SP1: variants seen among roughly 807,000 people sequenced by gnomAD.
The protein encoded by SP1 is transcription factor Sp1.
A neutral mutation model predicts 66.3 loss-of-function variants in SP1; 6 were observed. The observed-to-expected ratio is 0.09, with a 90% CI of 0.05 to 0.18. The LOEUF is 0.18. Among genes scored for constraint, SP1 ranks in the 10% least tolerant of loss-of-function variants. The probability of loss-of-function intolerance (pLI) is 1.00; values close to 1 mark genes in which losing one functional copy is unlikely to be tolerated. For synonymous variants in SP1, 417 were observed against 360.8 expected (o/e 1.16, Z -1.77); for missense variants, 848 against 964.5 (o/e 0.88, Z 1.60).
rs532377954 is a variant in SP1, at chr12:53,407,934, C to T, written c.1844+1181C>T. On this transcript the variant is annotated intron_variant, in intron 4 of 5. Transcript: ENST00000327443. ...TACAGGCATGAGCCATGGGGGCGCCCGGCCTTTTTTTTTTTTTAAGACAGA... is the reference window on the plus strand; with the variant it reads ...TACAGGCATGAGCCATGGGGGCGCCTGGCCTTTTTTTTTTTTTAAGACAGA... Among the ~76,000 whole-genome samples the T allele has an allele frequency of 5.8e-4, 84 of 145,840 alleles. 1 individual carries two copies. Among genetic ancestry groups the T allele is most frequent in the African/African-American group, 2.0e-3 (79 of 40,096 alleles).
At chr12:53,393,697 A>C (rs572619623) in intron 3 of SP1, among the ~76,000 whole-genome samples, 1 of 151,064 alleles carries the variant, frequency 6.6e-6, no homozygotes, top group Admixed American at 6.6e-5. Flanking sequence ...TCCTGGGTTC[A>C]AGCAATTCTC....
intron 4 of SP1, among the ~76,000 whole-genome samples, 172 bp downstream of exon 4, chr12:53,406,925 C>T (rs1009615835): frequency 4.7e-5 from 7 of 150,294 alleles, no homozygotes; most frequent in East Asian, 2.0e-4. Context: ...CCTGGGTTCA[C>T]GCCATTCTCC....
intron 3 of SP1, among the ~76,000 whole-genome samples, chr12:53,385,537 A>G (rs10876448): frequency 0.32 from 46,533 of 147,532 alleles, 10,641 homozygotes; most frequent in African/African-American, 0.65. Flanking sequence ...GGAGGTTGCA[A>G]TGAGCCGAGA....
intron 1 of SP1, among the ~76,000 whole-genome samples, chr12:53,380,946 CTTTTT>C (rs35296566): frequency 2.0e-5 from 2 of 100,798 alleles, no homozygotes; most frequent in Admixed American, 1.1e-4. Flanking sequence ...TTTTGTTTGT[CTTTTT>C]TTTTTTTTTT....
chr12:53,380,348 C>A, intron 1 of SP1, 50 bp downstream of exon 1: 1 of 1,391,882 alleles, frequency 7.2e-7, no homozygotes, highest in Non-Finnish European at 9.5e-7. Context: ...AGTGAGGGGG[C>A]GCGCGCGAGG....
chr12:53,395,976 T>G (rs1194085557), intron 3 of SP1, among the ~76,000 whole-genome samples: 1 of 152,004 alleles, frequency 6.6e-6, no homozygotes, highest in Non-Finnish European at 1.5e-5. Flanking sequence ...AAAAATTAGC[T>G]GGGTGTGCTG....
chr12:53,391,101 T>A (rs946302444), intron 3 of SP1, among the ~76,000 whole-genome samples: 2 of 152,100 alleles, frequency 1.3e-5, no homozygotes. Context: ...ATTAGTTGAG[T>A]TTTTTCATTT....
chr12:53,415,784 C>G lies in SP1; in HGVS notation c.*4544C>G, dbSNP rs1485711135. ...TGTGCCTTTTCCCCAGGGATATGGG[C>G]TCTGTCTACCCAGTGCTCCAGTTTC... On this transcript the variant is annotated 3_prime_UTR_variant, in exon 6 of 6. Transcript: ENST00000327443. The G allele has an allele frequency of 6.6e-6, 1 of 152,586 alleles. No individual in the cohort carries two copies. The highest frequency in any genetic ancestry group is 1.5e-5 in the Non-Finnish European group (1 of 68,056). 9.5% of individuals were successfully genotyped at this position (152,586 alleles called of 1,614,324 possible).
At chr12:53,402,089 TC>T (rs1264580668) in intron 3 of SP1, among the ~76,000 whole-genome samples, 2 of 152,190 alleles carry the variant, frequency 1.3e-5, no homozygotes, top group African/African-American at 4.8e-5. Flanking sequence ...AGGACTCATA[TC>T]TAAGTTTCTC....
In SP1 at chr12:53,382,191, C is replaced by G. The variant is rs1938116263; in HGVS notation, c.244C>G (p.Gln82Glu). The change falls in exon 3 of 6, where the codon CAG becomes GAG. Residue 82 changes from glutamine (Q) to glutamate (E), a missense_variant. Coordinates refer to ENST00000327443, the MANE Select transcript of SP1 (RefSeq NM_138473.3). ...ACCCAATGAGAACAGCAACAACTCC[C>G]AGGGCCCGAGTCAGTCAGGGGGAAC... is the stretch of plus-strand genomic sequence containing the variant. ...ESPNENSNNS[Q>E]GPSQSGGTGE... 6.2e-7 allele frequency: 1 copy of G among 1,614,180 alleles called. No individual in the cohort carries two copies. Among genetic ancestry groups the G allele is most frequent in the Non-Finnish European group, 8.5e-7 (1 of 1,180,030 alleles).
chr12:53,384,056 G>A lies in SP1; in HGVS notation c.1675+434G>A, dbSNP rs1216406888. Among the ~76,000 whole-genome samples the A allele has an allele frequency of 4.0e-5, 6 of 149,546 alleles. No homozygotes were observed. The South Asian group carries it at 6.3e-4, about 16-fold the overall frequency. On this transcript the variant is annotated intron_variant, in intron 3 of 5. Transcript: ENST00000327443. ...GCGATCTCGGCTCACTGCAAGCTCC[G>A]CCTCCCAGGTTCACGCCATTCTCCT...
chr12:53,409,312 C>G, intron 4 of SP1, 50 bp from the exon 5 acceptor site: 1 of 1,490,710 alleles, frequency 6.7e-7, no homozygotes, highest in Non-Finnish European at 9.3e-7. Context: ...CTTTGTGGTT[C>G]TTTAGTTTTC....
rs1289077371 is a variant in SP1, at chr12:53,411,142, A to G, written c.2260A>G (p.Ile754Val). ...CACCAATATGGTAGCCATGGAGGCC[A>G]TCTGTCCAGAGGGCATTGCCCGTCT... ...ITTNMVAMEA[I>V]CPEGIARLAN... Residue 754 changes from isoleucine to valine, a missense_variant, in exon 6 of 6, where the codon ATC becomes GTC. Coordinates refer to ENST00000327443, the MANE Select transcript of SP1 (RefSeq NM_138473.3). The G allele has an allele frequency of 1.9e-6, 3 of 1,613,916 alleles. No homozygotes were observed. Among genetic ancestry groups the G allele is most frequent in the Non-Finnish European group, 2.5e-6 (3 of 1,179,894 alleles).
At chr12:53,387,075 C>G (rs543531291) in intron 3 of SP1, among the ~76,000 whole-genome samples, 1 of 151,768 alleles carries the variant, frequency 6.6e-6, no homozygotes, top group East Asian at 1.9e-4. Context: ...CTCAGCCTCC[C>G]GAGTAGCTGG....
intron 1 of SP1, 64 bp downstream of exon 1, chr12:53,380,362 G>C: frequency 7.4e-7 from 1 of 1,346,178 alleles, no homozygotes; most frequent in Non-Finnish European, 9.8e-7. Context: ...CGCGAGGGCC[G>C]ACCGGGCGAT....
chr12:53,382,476 C>T lies in SP1; in HGVS notation c.529C>T (p.Pro177Ser). ...GCCTAATATTCAGTATCAAGTAATC[C>T]CACAGTTCCAGACCGTTGATGGGCA... ...VMPNIQYQVI[P>S]QFQTVDGQQL... Residue 177 changes from proline (P) to serine (S), a missense_variant, in exon 3 of 6, where the codon CCA (proline) becomes TCA (serine). Pro to Ser is a moderately conservative substitution (Grantham distance 74, BLOSUM62 -1). Transcript: ENST00000327443. 6.2e-7 allele frequency: 1 copy of T among 1,614,148 alleles called. No homozygotes were observed. Among genetic ancestry groups the T allele is most frequent in the South Asian group, 1.1e-5 (1 of 91,084 alleles).
Position 53,383,895 on chromosome 12 carries a change from A to C in SP1, c.1675+273A>C, listed in dbSNP as rs115395249. On this transcript the variant is annotated intron_variant, in intron 3 of 5. Transcript: ENST00000327443. ...TTTTGGTGCTGCAGAATAATGGTTG[A>C]CAAGCTTTCTGTAAAGGGCCAGATA... 3.2e-3 allele frequency among the ~76,000 whole-genome samples: 481 copies of C among 152,234 alleles called. 2 individuals are homozygous for C. The highest frequency in any genetic ancestry group is 0.011 in the African/African-American group (455 of 41,534).
chr12:53,383,847 C>T (rs1326408964), intron 3 of SP1, among the ~76,000 whole-genome samples: 1 of 152,126 alleles, frequency 6.6e-6, no homozygotes, highest in Admixed American at 6.5e-5. Flanking sequence ...GGGCAATATT[C>T]TGGAGTCTGT....
At chr12:53,405,943 A>G (rs1938724439) in intron 3 of SP1, among the ~76,000 whole-genome samples, 1 of 151,932 alleles carries the variant, frequency 6.6e-6, no homozygotes, top group South Asian at 2.1e-4. Flanking sequence ...TGGCACATGT[A>G]TACATATGTA....
Sources: allele counts gnomAD v4.1 joint callset (sites outside exome capture counted in the v4.1 genomes callset), GRCh38; gene constraint gnomAD v4.1.1; transcripts MANE v1.5; gene names NCBI Gene and HGNC (gene_info 2026-07-23, HGNC 2026-07-21).